The following TBC1D1 variants were observed in gnomAD, a reference collection of about 807,000 sequenced individuals.
TBC1D1 encodes TBC1 domain family member 1.
TBC1D1 carries 89 observed loss-of-function variants against 125.6 expected under a neutral mutation model. That is an observed-to-expected ratio of 0.71 (90% CI 0.60 to 0.85). The LOEUF is 0.85. Ranked by LOEUF, TBC1D1 falls within the 40% of genes least tolerant of loss-of-function variation. The pLI, the probability that TBC1D1 is intolerant of heterozygous loss-of-function variation, is 0.00. For synonymous variants in TBC1D1, 565 were observed against 564.1 expected, an observed-to-expected ratio of 1.00 and a Z score of -0.02; for missense variants, 1,377 against 1,469.2, an observed-to-expected ratio of 0.94 and a Z score of 1.03.
At chr4:37,915,993 A>G (rs1390454537) in intron 2 of TBC1D1, among the ~76,000 whole-genome samples, 1 of 152,220 alleles carries the variant, frequency 6.6e-6, no homozygotes, top group Non-Finnish European at 1.5e-5. Context: ...AGCAGCCTTT[A>G]CTGTTGAGAA....
chr4:38,044,568 C>G lies in TBC1D1; in HGVS notation c.1542+78C>G, dbSNP rs76843328. 557 of 1,403,212 alleles carry G rather than the reference C, an allele frequency of 4.0e-4. 7 individuals are homozygous for G. In the East Asian group the frequency reaches 0.013, roughly 34 times the overall value. 86.9% of individuals were successfully genotyped at this position (1,403,212 alleles called of 1,614,324 possible). ...TAAGATTGAGTTCTATGCTTTTATT[C>G]CATCAATGTTCATCATAAAGGTAAA... On this transcript the variant is annotated intron_variant, in intron 9 of 19. Transcript: ENST00000261439.
intron 11 of TBC1D1, among the ~76,000 whole-genome samples, chr4:38,053,986 T>C (rs1214910522): frequency 6.6e-6 from 1 of 152,234 alleles, no homozygotes; most frequent in African/African-American, 2.4e-5. Context: ...CTTAAGGGCA[T>C]GTAATCTTTC....
chr4:38,116,815 T>C (rs1345303841), intron 16 of TBC1D1, among the ~76,000 whole-genome samples: 1 of 152,204 alleles, frequency 6.6e-6, no homozygotes, highest in Non-Finnish European at 1.5e-5. Flanking sequence ...ACCAGTAAGA[T>C]ACTATGCCTT....
At position 37,977,118 on chromosome 4, in the gene TBC1D1, C is replaced by G. The variant is rs1262543948; in HGVS notation, c.418-37391C>G. On this transcript the variant is annotated intron_variant, in intron 2 of 19. Coordinates refer to ENST00000261439, the MANE Select transcript of TBC1D1 (RefSeq NM_015173.4). The surrounding 1 kb of genome is among the most constrained non-coding windows in gnomAD (Gnocchi z 4.3). ...CCAGAGGCCTGGAAAGGCGCGTCCC[C>G]AGCCTCCAGGGTTTCCTGCGCAGCC... Among the ~76,000 whole-genome samples the G allele has an allele frequency of 6.6e-6, 1 of 152,288 alleles. No homozygotes were observed. The highest frequency in any genetic ancestry group is 1.9e-4 in the East Asian group (1 of 5,162).
At chr4:38,042,957 A>G (rs1748675572) in intron 8 of TBC1D1, among the ~76,000 whole-genome samples, 1 of 152,148 alleles carries the variant, frequency 6.6e-6, no homozygotes, top group Non-Finnish European at 1.5e-5. Context: ...GCTGGAGTGC[A>G]GTAGCATGAT....
At chr4:38,009,816 T>C (rs1741097156) in intron 2 of TBC1D1, among the ~76,000 whole-genome samples, 1 of 152,198 alleles carries the variant, frequency 6.6e-6, no homozygotes, top group South Asian at 2.1e-4. Context: ...TTAATTTTTA[T>C]GTATCTAAAT....
At chr4:37,940,050 T>C (rs904635179) in intron 2 of TBC1D1, among the ~76,000 whole-genome samples, 5 of 152,212 alleles carry the variant, frequency 3.3e-5, no homozygotes, top group Admixed American at 3.3e-4. Flanking sequence ...TTTTTTCCAA[T>C]TCTGTGAAGA....
chr4:37,908,802 A>T (rs2925949), intron 2 of TBC1D1, among the ~76,000 whole-genome samples: 92,292 of 152,068 alleles, frequency 0.61, 28,062 homozygotes, highest in Admixed American at 0.69. Context: ...GAGGGGGAAC[A>T]GTGCGATACA....
At chr4:38,097,378 C>T (rs1167524712) in intron 14 of TBC1D1, among the ~76,000 whole-genome samples, 2 of 140,030 alleles carry the variant, frequency 1.4e-5, no homozygotes, top group Admixed American at 7.3e-5. Context: ...CTTGCTCTGT[C>T]GCCCAGGCTG....
intron 12 of TBC1D1, among the ~76,000 whole-genome samples, chr4:38,089,364 T>G (rs984594361): frequency 6.6e-6 from 1 of 152,232 alleles, no homozygotes; most frequent in Non-Finnish European, 1.5e-5. Context: ...ATTTTAATCT[T>G]CCTTCAGAAT....
rs77656163 is a variant in TBC1D1 at position 38,098,724 on chromosome 4, A to T, written c.2398+2634A>T. Among the ~76,000 whole-genome samples the T allele has an allele frequency of 4.6e-4, 70 of 152,336 alleles. 1 individual carries two copies. In the East Asian group the frequency reaches 0.013, roughly 28 times the overall value. ...GTGGTTCAGAATAAAAATGTGAATCAAAAAATTTGAGCCTAAATTTGAATC... is the reference window on the plus strand; with the variant it reads ...GTGGTTCAGAATAAAAATGTGAATCTAAAAATTTGAGCCTAAATTTGAATC... On this transcript the variant is annotated intron_variant, in intron 14 of 19. Transcript: ENST00000261439.
Position 38,014,967 on chromosome 4 carries a change from C to T in TBC1D1, c.876C>T (p.Leu292=), listed in dbSNP as rs757913592. 11 of 1,532,420 alleles carry T rather than the reference C, an allele frequency of 7.2e-6. No homozygotes were observed. The highest frequency in any genetic ancestry group is 9.7e-6 in the Non-Finnish European group (11 of 1,137,426). 94.9% of individuals were successfully genotyped at this position (1,532,420 alleles called of 1,614,324 possible). The stretch of plus-strand genomic sequence containing the variant: ...ATATCGAGGAAAATCGAACTATGCT[C>T]TTCACGGTAAAATATCACCCAGCTC... The change falls in exon 3 of 20, where the codon CTC becomes CTT. Residue 292 remains leucine, a synonymous_variant. Coordinates refer to ENST00000261439, the MANE Select transcript of TBC1D1 (RefSeq NM_015173.4). The surrounding 1 kb of genome is among the most constrained non-coding windows in gnomAD (Gnocchi z 5.1).
intron 7 of TBC1D1, among the ~76,000 whole-genome samples, chr4:38,029,649 G>A (rs1745762249): frequency 6.6e-6 from 1 of 152,156 alleles, no homozygotes; most frequent in Non-Finnish European, 1.5e-5. Flanking sequence ...TTACAGCTGT[G>A]AGCCACCACG....
chr4:37,992,366 A>T (rs1361009403), intron 2 of TBC1D1, among the ~76,000 whole-genome samples: 2 of 152,186 alleles, frequency 1.3e-5, no homozygotes, highest in Non-Finnish European at 2.9e-5. Flanking sequence ...GAAGCCACTT[A>T]CCAGGTTTTG....
At chr4:38,032,189 C>T (rs536868853) in intron 7 of TBC1D1, among the ~76,000 whole-genome samples, 7 of 152,056 alleles carry the variant, frequency 4.6e-5, no homozygotes, top group Admixed American at 2.0e-4. Context: ...CATGGTGGTG[C>T]GCACCTGTAG....
At chr4:38,028,753 T>C (rs114598916) in intron 7 of TBC1D1, among the ~76,000 whole-genome samples, 7,819 of 152,332 alleles carry the variant, frequency 0.051, 260 homozygotes, top group Non-Finnish European at 0.077. Flanking sequence ...TGTACTCATC[T>C]GTTCCCTGGG....
chr4:37,933,174 G>A (rs1282436708), intron 2 of TBC1D1, among the ~76,000 whole-genome samples: 2 of 151,460 alleles, frequency 1.3e-5, no homozygotes, highest in Non-Finnish European at 2.9e-5. Context: ...ATAAAATTTC[G>A]ACCCTTTCAG....
At chr4:37,901,965 C>G in intron 1 of TBC1D1, 38 bp from the exon 2 acceptor site, 1 of 926,868 alleles carries the variant, frequency 1.1e-6, no homozygotes, top group Middle Eastern at 3.2e-4. Flanking sequence ...ATTGCTATGA[C>G]TTCATTAAAT....
intron 11 of TBC1D1, among the ~76,000 whole-genome samples, chr4:38,050,472 A>G (rs1355074450): frequency 6.6e-6 from 1 of 152,224 alleles, no homozygotes; most frequent in African/African-American, 2.4e-5. Flanking sequence ...TATTCATTGT[A>G]ATAGTTGGGT....
Sources: gnomAD v4.1 joint callset for allele counts (sites outside exome capture counted in the v4.1 genomes callset) on GRCh38, gnomAD v4.1.1 for gene constraint, Gnocchi (gnomAD v3.1) non-coding constraint, MANE v1.5 for transcripts, NCBI Gene and HGNC (gene_info 2026-07-23, HGNC 2026-07-21) for gene names.